Variants in PVT1 observed in about 807,000 individuals in gnomAD.
PVT1 encodes CXCR4/PVT1 fusion.
At chr8:127,934,470 G>A (rs997735563) in intron 3 of PVT1, among the ~76,000 whole-genome samples, 1 of 152,206 alleles carries the variant, frequency 6.6e-6, no homozygotes, top group Non-Finnish European at 1.5e-5. Flanking sequence ...GAGGAAGTTG[G>A]TCTGAAAGTG....
At chr8:128,092,582 C>T (rs943746995) in intron 5 of PVT1, among the ~76,000 whole-genome samples, 1 of 152,214 alleles carries the variant, frequency 6.6e-6, no homozygotes, top group Non-Finnish European at 1.5e-5. Flanking sequence ...CTGCCACTCA[C>T]CCACTCCAGC....
At chr8:128,003,182 C>A in intron 4 of PVT1, among the ~76,000 whole-genome samples, 1 of 138,086 alleles carries the variant, frequency 7.2e-6, no homozygotes, top group Admixed American at 7.4e-5. Flanking sequence ...TTAGTAGAGA[C>A]AGGATTTCAC....
At chr8:127,909,046 T>TG (rs1815858937) in intron 3 of PVT1, among the ~76,000 whole-genome samples, 1 of 151,832 alleles carries the variant, frequency 6.6e-6, no homozygotes, top group Non-Finnish European at 1.5e-5. Context: ...TTTAGGTCCA[T>TG]GTCTCTCGTG....
intron 4 of PVT1, among the ~76,000 whole-genome samples, chr8:128,002,868 T>C (rs1185159092): frequency 6.6e-6 from 1 of 152,080 alleles, no homozygotes; most frequent in Non-Finnish European, 1.5e-5. Flanking sequence ...ACAACTTCCT[T>C]TCTCTTCTTT....
In PVT1 at chr8:128,016,680, G is replaced by A. The variant is rs139106367; in HGVS notation, n.912+27389G>A. On this transcript the variant is annotated intron_variant and non_coding_transcript_variant, in intron 4 of 10. Coordinates refer to ENST00000651587, the Ensembl canonical transcript of PVT1. ...ACAGGCTCACCACACAACTGGTGCT[G>A]TGAGGGAGACGAAGATGAGTCATGC... is the stretch of plus-strand genomic sequence containing the variant. Among the ~76,000 whole-genome samples the A allele has an allele frequency of 6.4e-4, 97 of 152,340 alleles. No individual in the cohort carries two copies. In the East Asian group the frequency reaches 0.018, roughly 28 times the overall value.
intron 2 of PVT1, among the ~76,000 whole-genome samples, chr8:127,824,122 A>G (rs1332808391): frequency 6.6e-6 from 1 of 152,222 alleles, no homozygotes; most frequent in African/African-American, 2.4e-5. Flanking sequence ...TTGAGGCTGC[A>G]GTGAGCTGTA....
chr8:127,928,166 G>A (rs1162669745), intron 3 of PVT1, among the ~76,000 whole-genome samples: 1 of 152,198 alleles, frequency 6.6e-6, no homozygotes, highest in Non-Finnish European at 1.5e-5. Flanking sequence ...ACCACCGGCC[G>A]TCAATATCTT....
chr8:127,834,817 C>A (rs1032870792), intron 2 of PVT1, among the ~76,000 whole-genome samples: 8 of 151,912 alleles, frequency 5.3e-5, no homozygotes, highest in African/African-American at 1.9e-4. Context: ...ATATGGCCAA[C>A]AAACAAATGA....
intron 4 of PVT1, among the ~76,000 whole-genome samples, chr8:128,031,131 C>T (rs543509077): frequency 3.3e-5 from 5 of 152,314 alleles, no homozygotes; most frequent in East Asian, 1.9e-4. Flanking sequence ...CAGGACAGAT[C>T]ACAAGGCTGA....
intron 3 of PVT1, among the ~76,000 whole-genome samples, chr8:127,950,274 C>A (rs1003496676): frequency 5.5e-4 from 83 of 152,202 alleles, no homozygotes; most frequent in African/African-American, 2.0e-3. Context: ...ACCCAATAGC[C>A]CCGTGGCGGC....
chr8:127,914,260 C>CAAAAAAAAAAAAAAAAAAAAAAAAAAA (rs60359946), intron 3 of PVT1, among the ~76,000 whole-genome samples: 1 of 47,864 alleles, frequency 2.1e-5, no homozygotes, highest in African/African-American at 5.7e-5. Flanking sequence ...CCACCAACAG[C>CAAAAAAAAAAAAAAAAAAAAAAAAAAA]AAAAAAAAAA....
intron 3 of PVT1, among the ~76,000 whole-genome samples, chr8:127,901,313 C>A (rs1276956410): frequency 6.6e-6 from 1 of 152,082 alleles, no homozygotes; most frequent in Non-Finnish European, 1.5e-5. Flanking sequence ...TCCAAGTGAC[C>A]CATTGCAGGA....
chr8:127,876,413 ATT>A, intron 2 of PVT1, among the ~76,000 whole-genome samples: 2 of 148,168 alleles, frequency 1.3e-5, no homozygotes, highest in African/African-American at 5.2e-5. Flanking sequence ...TTTTATTTTT[ATT>A]TTTTTAATTA....
At chr8:127,922,021 C>T (rs964672018) in intron 3 of PVT1, among the ~76,000 whole-genome samples, 15 of 151,042 alleles carry the variant, frequency 9.9e-5, no homozygotes, top group African/African-American at 3.6e-4. Flanking sequence ...CCACCACGCC[C>T]GGTTAATTTT....
At chr8:128,074,568 T>C (rs1233137688) in intron 5 of PVT1, among the ~76,000 whole-genome samples, 3 of 151,154 alleles carry the variant, frequency 2.0e-5, no homozygotes, top group Non-Finnish European at 4.4e-5. Flanking sequence ...ATTTCTCCCA[T>C]AACATGTAAT....
intron 3 of PVT1, among the ~76,000 whole-genome samples, chr8:127,914,600 G>C (rs1185776799): frequency 6.6e-6 from 1 of 152,154 alleles, no homozygotes; most frequent in Non-Finnish European, 1.5e-5. Context: ...GTATTCAACT[G>C]TAAAATGGAA....
intron 2 of PVT1, among the ~76,000 whole-genome samples, chr8:127,857,242 G>A (rs1442756412): frequency 1.3e-5 from 2 of 152,156 alleles, no homozygotes; most frequent in East Asian, 3.9e-4. Context: ...AATAATAATA[G>A]TAATATAATA....
intron 3 of PVT1, among the ~76,000 whole-genome samples, chr8:127,921,717 G>T (rs1347843900): frequency 6.6e-6 from 1 of 151,934 alleles, no homozygotes; most frequent in Admixed American, 6.5e-5. Context: ...GGGAGGCTGT[G>T]CATGAGAATC....
intron 2 of PVT1, among the ~76,000 whole-genome samples, chr8:127,868,437 G>A (rs1192236178): frequency 6.6e-6 from 1 of 151,982 alleles, no homozygotes; most frequent in Admixed American, 6.6e-5. Flanking sequence ...GCCCAGGTTG[G>A]AGTACAATGG....
Sources: allele counts gnomAD v4.1 joint callset (sites outside exome capture counted in the v4.1 genomes callset), GRCh38; gene constraint gnomAD v4.1.1; transcripts MANE v1.5; gene names NCBI Gene and HGNC (gene_info 2026-07-23, HGNC 2026-07-21).